Variants in LHFPL3 observed in about 807,000 individuals in gnomAD.
LHFPL3 encodes the protein LHFPL tetraspan subfamily member 3 protein.
In LHFPL3, 5 loss-of-function variants were observed where a neutral mutation model predicts 19.3. The observed-to-expected ratio is 0.26, with a 90% confidence interval of 0.14 to 0.54. The LOEUF (loss-of-function observed/expected upper bound fraction) is 0.54. Ranked by LOEUF, LHFPL3 falls within the 20% of genes least tolerant of loss-of-function variation. LHFPL3 has a pLI of 0.94. For synonymous variants in LHFPL3, 133 were observed against 126.2 expected, an observed-to-expected ratio of 1.05 and a Z score of -0.36; for missense variants, 249 against 307.4, an observed-to-expected ratio of 0.81 and a Z score of 1.42.
intron 1 of LHFPL3, among the ~76,000 whole-genome samples, chr7:104,347,043 C>G (rs1309920115): frequency 9.0e-6 from 1 of 111,118 alleles, no homozygotes; most frequent in Non-Finnish European, 1.8e-5. Context: ...CCTCAGTTTC[C>G]TCATCTGTAA....
At chr7:104,520,447 T>C (rs1265846674) in intron 1 of LHFPL3, among the ~76,000 whole-genome samples, 2 of 147,864 alleles carry the variant, frequency 1.4e-5, no homozygotes, top group African/African-American at 5.1e-5. Context: ...GGTATCAGGA[T>C]GATGCTGGCC....
intron 1 of LHFPL3, among the ~76,000 whole-genome samples, chr7:104,651,957 C>T (rs1016700412): frequency 2.6e-5 from 4 of 152,116 alleles, no homozygotes; most frequent in African/African-American, 7.2e-5. Flanking sequence ...AATATATGCT[C>T]GATAAATGTT....
At chr7:104,601,544 C>A (rs930531435) in intron 1 of LHFPL3, among the ~76,000 whole-genome samples, 1 of 152,040 alleles carries the variant, frequency 6.6e-6, no homozygotes, top group African/African-American at 2.4e-5. Context: ...AGAGGGGTTG[C>A]TAGATAGGGT....
chr7:104,396,083 T>A (rs1261090904), intron 1 of LHFPL3, among the ~76,000 whole-genome samples: 1 of 152,176 alleles, frequency 6.6e-6, no homozygotes, highest in African/African-American at 2.4e-5. Context: ...AGAGCAGCTA[T>A]CCCTGGCCTT....
rs116635829 is a variant in LHFPL3 at position 104,785,948 on chromosome 7, G to C, written c.682+49037G>C. On this transcript the variant is annotated intron_variant, in intron 2 of 2. Coordinates refer to ENST00000424859, the MANE Select transcript of LHFPL3 (RefSeq NM_199000.3). ...TTGGTTCCACCAGTCCTTCTTCCCT[G>C]AACCCCCAAATTTGCCAAATTGCAA... Among the ~76,000 whole-genome samples, 376 of 152,206 alleles carry C rather than the reference G, an allele frequency of 2.5e-3. 1 individual carries two copies. The highest frequency in any genetic ancestry group is 8.5e-3 in the African/African-American group (351 of 41,526).
chr7:104,632,752 T>C (rs1381152326), intron 1 of LHFPL3, among the ~76,000 whole-genome samples: 1 of 152,184 alleles, frequency 6.6e-6, no homozygotes, highest in Non-Finnish European at 1.5e-5. Flanking sequence ...GCTCAGGTGA[T>C]CCTCCCACCT....
intron 1 of LHFPL3, among the ~76,000 whole-genome samples, chr7:104,578,270 G>A (rs1338063093): frequency 1.3e-5 from 2 of 152,240 alleles, no homozygotes; most frequent in Admixed American, 1.3e-4. Context: ...CCGCTGCTTA[G>A]CTGCGCTGTG....
rs1791971551 is a variant in LHFPL3 at position 104,430,442 on chromosome 7, A to ATG, written c.445+101219_445+101220insGT. Among the ~76,000 whole-genome samples, 2 of 16,926 alleles carry ATG rather than the reference A, an allele frequency of 1.2e-4. 1 individual carries two copies. Among genetic ancestry groups the ATG allele is most frequent in the South Asian group, 4.8e-3 (2 of 420 alleles). The allele number at this position is 16,926 out of a possible 152,430, so 11.1% of individuals were successfully genotyped here. On this transcript the variant is annotated intron_variant, in intron 1 of 2. Transcript: ENST00000424859. ...TACATATATATATATATATATATAT[A>ATG]TATATATATATATTTTTTTTTTTTT...
At chr7:104,695,035 C>G (rs891529008) in intron 1 of LHFPL3, among the ~76,000 whole-genome samples, 1 of 152,236 alleles carries the variant, frequency 6.6e-6, no homozygotes, top group Non-Finnish European at 1.5e-5. Context: ...GACTTAACAG[C>G]TTATCTGCTG....
At chr7:104,705,923 C>T (rs1793183530) in intron 1 of LHFPL3, among the ~76,000 whole-genome samples, 1 of 152,128 alleles carries the variant, frequency 6.6e-6, no homozygotes, top group Non-Finnish European at 1.5e-5. Context: ...CAGACCCCCT[C>T]CAGGAACAAG....
At chr7:104,638,753 G>A (rs1356761671) in intron 1 of LHFPL3, among the ~76,000 whole-genome samples, 1 of 150,260 alleles carries the variant, frequency 6.7e-6, no homozygotes, top group East Asian at 2.0e-4. Flanking sequence ...ACTTGATCAT[G>A]GTGGGGTAGC....
chr7:104,496,790 T>C (rs1056611987), intron 1 of LHFPL3, among the ~76,000 whole-genome samples: 6 of 152,230 alleles, frequency 3.9e-5, no homozygotes, highest in Non-Finnish European at 8.8e-5. Flanking sequence ...TCATCATCAC[T>C]ACCAGATGTT....
intron 1 of LHFPL3, among the ~76,000 whole-genome samples, chr7:104,624,118 T>C (rs770500765): frequency 2.6e-5 from 4 of 152,208 alleles, no homozygotes; most frequent in Non-Finnish European, 4.4e-5. Context: ...TTTTGGATAT[T>C]AGAGGGTTTT....
chr7:104,679,132 T>G (rs1297989073), intron 1 of LHFPL3, among the ~76,000 whole-genome samples: 1 of 152,240 alleles, frequency 6.6e-6, no homozygotes, highest in Non-Finnish European at 1.5e-5. Context: ...GAGATTGCAG[T>G]CAAGCTGCTG....
chr7:104,837,131 G>A (rs1791113351), intron 2 of LHFPL3, among the ~76,000 whole-genome samples: 1 of 152,152 alleles, frequency 6.6e-6, no homozygotes, highest in Non-Finnish European at 1.5e-5. Context: ...AAGGTACTTC[G>A]ATTTTGCAAC....
At chr7:104,816,397 A>G (rs1790561107) in intron 2 of LHFPL3, among the ~76,000 whole-genome samples, 1 of 152,194 alleles carries the variant, frequency 6.6e-6, no homozygotes, top group African/African-American at 2.4e-5. Flanking sequence ...CTGGCTCCTG[A>G]GATTGCTTCA....
intron 1 of LHFPL3, among the ~76,000 whole-genome samples, chr7:104,457,984 T>A (rs1428680475): frequency 6.7e-6 from 1 of 148,556 alleles, no homozygotes; most frequent in Non-Finnish European, 1.5e-5. Flanking sequence ...CTTGTAAATT[T>A]GTTTGAGTTC....
At chr7:104,481,847 C>G (rs1793142609) in intron 1 of LHFPL3, among the ~76,000 whole-genome samples, 1 of 152,088 alleles carries the variant, frequency 6.6e-6, no homozygotes, top group East Asian at 1.9e-4. Context: ...GACATAGGCT[C>G]AAGAAGTAGG....
At chr7:104,745,852 G>A (rs1241454622) in intron 2 of LHFPL3, among the ~76,000 whole-genome samples, 1 of 152,152 alleles carries the variant, frequency 6.6e-6, no homozygotes, top group Admixed American at 6.5e-5. Flanking sequence ...GAAAAACTTA[G>A]GTCAACAATT....
Sources: allele counts gnomAD v4.1 joint callset (sites outside exome capture counted in the v4.1 genomes callset), GRCh38; gene constraint gnomAD v4.1.1; transcripts MANE v1.5; gene names NCBI Gene and HGNC (gene_info 2026-07-23, HGNC 2026-07-21).